Variants in PMM2 observed in about 807,000 individuals in gnomAD.
PMM2 encodes mannose-6-phosphate isomerase.
PMM2 carries 35 observed loss-of-function variants against 33.2 expected under a neutral mutation model. The observed-to-expected ratio is 1.06, with a 90% confidence interval of 0.81 to 1.40. The LOEUF (loss-of-function observed/expected upper bound fraction) is 1.40. PMM2 is among the 40% of genes most tolerant of loss of function. PMM2 has a pLI of 0.00. For missense variants in PMM2, 386 were observed against 306.0 expected (o/e 1.26, Z -1.95); for synonymous variants, 153 against 114.7 (o/e 1.33, Z -2.13).
intron 7 of PMM2, among the ~76,000 whole-genome samples, chr16:8,839,907 TGTGAAGGAGG>T (rs2141044881): frequency 7.0e-6 from 1 of 143,340 alleles, no homozygotes; most frequent in African/African-American, 2.6e-5. Flanking sequence ...TTTAAATAAG[TGTGAAGGAGG>T]GCGGCAGCTT....
chr16:8,824,779 TAACTCA>T (rs1199264472), intron 7 of PMM2, among the ~76,000 whole-genome samples: 1 of 152,102 alleles, frequency 6.6e-6, no homozygotes, highest in African/African-American at 2.4e-5. Flanking sequence ...GCCACAATGA[TAACTCA>T]AACATTTTGT....
chr16:8,833,509 T>A (rs2060823589), intron 7 of PMM2, among the ~76,000 whole-genome samples: 1 of 151,800 alleles, frequency 6.6e-6, no homozygotes, highest in African/African-American at 2.4e-5. Flanking sequence ...AAAATAGTGT[T>A]GAAGTGTTGG....
intron 7 of PMM2, chr16:8,832,564 A>C: frequency 1.0e-6 from 1 of 985,034 alleles, no homozygotes; most frequent in South Asian, 4.7e-5. Flanking sequence ...ACTAGCATAA[A>C]CCCTTTTTGC....
chr16:8,827,135 C>A (rs1377312958), intron 7 of PMM2, among the ~76,000 whole-genome samples: 1 of 152,054 alleles, frequency 6.6e-6, no homozygotes, highest in Non-Finnish European at 1.5e-5. Context: ...GCTTACACTT[C>A]TTGGGGTTTT....
At position 8,832,964 on chromosome 16, in the gene PMM2, TC is replaced by T. The variant is rs1221389862; in HGVS notation, c.640-14756del. The T allele has an allele frequency of 3.0e-5, 13 of 430,978 alleles. 1 individual carries two copies. The highest frequency in any genetic ancestry group is 3.1e-5 in the Non-Finnish European group (11 of 357,482). The allele number at this position is 430,978 out of a possible 1,614,324, so 26.7% of individuals were successfully genotyped here. A position where few individuals can be genotyped will look rare whatever the true frequency, so the allele number is the denominator to read the frequency against. On this transcript the variant is annotated intron_variant, in intron 7 of 7. Transcript: ENST00000268261. ...AAGAGCTGTCTGTTGATGACTGGTCTCCCCAGGGCAGCTGTGATGTGGTTTT... is the reference window on the plus strand; with the variant it reads ...AAGAGCTGTCTGTTGATGACTGGTCTCCCAGGGCAGCTGTGATGTGGTTTT...
chr16:8,807,371 C>T lies in PMM2; in HGVS notation c.347+964C>T, dbSNP rs546641569. ...TGGCAAATCTGAGACCTGGCTACTC[C>T]GGCTCCCAGTTCCCTGCCGGCAGGT... On this transcript the variant is annotated intron_variant, in intron 4 of 7. Coordinates refer to ENST00000268261, the MANE Select transcript of PMM2 (RefSeq NM_000303.3). 1.1e-3 allele frequency among the ~76,000 whole-genome samples: 174 copies of T among 152,254 alleles called. 1 individual carries two copies. In the South Asian group the frequency reaches 0.032, roughly 28 times the overall value.
At chr16:8,800,070 G>A (rs193289568) in intron 1 of PMM2, among the ~76,000 whole-genome samples, 127 of 152,280 alleles carry the variant, frequency 8.3e-4, no homozygotes, top group Admixed American at 7.2e-4. Context: ...CTAGTAAAAA[G>A]ATATTCAGCC....
At chr16:8,815,726 GA>G (rs886490642) in intron 7 of PMM2, among the ~76,000 whole-genome samples, 3 of 151,448 alleles carry the variant, frequency 2.0e-5, no homozygotes, top group Admixed American at 6.6e-5. Flanking sequence ...AAAACTCCTA[GA>G]AAAAAAACAT....
At chr16:8,806,478 A>T in intron 4 of PMM2, 71 bp downstream of exon 4, 1 of 907,864 alleles carries the variant, frequency 1.1e-6, no homozygotes, top group South Asian at 1.3e-5. Context: ...TAATGTGGGC[A>T]TTCTCCAAAT....
chr16:8,823,476 T>C (rs890110361), intron 7 of PMM2, among the ~76,000 whole-genome samples: 3 of 152,222 alleles, frequency 2.0e-5, no homozygotes, highest in Non-Finnish European at 2.9e-5. Context: ...CCATCCTTAT[T>C]TTTATTAAAG....
chr16:8,847,377 T>TAAAAAA (rs34609525), intron 7 of PMM2, among the ~76,000 whole-genome samples: 2 of 140,800 alleles, frequency 1.4e-5, no homozygotes, highest in Non-Finnish European at 3.0e-5. Flanking sequence ...TAGGTACAGC[T>TAAAAAA]AAAAAAAAAA....
At chr16:8,838,674 C>T (rs1350221785) in intron 7 of PMM2, among the ~76,000 whole-genome samples, 1 of 151,818 alleles carries the variant, frequency 6.6e-6, no homozygotes, top group Non-Finnish European at 1.5e-5. Context: ...AATTGAGAAA[C>T]TAAACAGAAG....
chr16:8,798,374 T>C (rs564008319), intron 1 of PMM2, among the ~76,000 whole-genome samples: 22 of 152,294 alleles, frequency 1.4e-4, no homozygotes, highest in African/African-American at 5.3e-4. Flanking sequence ...TAGTGGAGTC[T>C]CATCTTCACC....
intron 7 of PMM2, among the ~76,000 whole-genome samples, chr16:8,827,441 G>C (rs1276511279): frequency 6.7e-6 from 1 of 149,146 alleles, no homozygotes; most frequent in African/African-American, 2.5e-5. Context: ...ACCCAGGCTA[G>C]ATAGAGTGCA....
At chr16:8,819,316 C>T (rs1208046507) in intron 7 of PMM2, among the ~76,000 whole-genome samples, 1 of 152,108 alleles carries the variant, frequency 6.6e-6, no homozygotes, top group Non-Finnish European at 1.5e-5. Flanking sequence ...AAGTGCAGGA[C>T]AATATAAGTA....
intron 7 of PMM2, among the ~76,000 whole-genome samples, chr16:8,847,343 C>T (rs902040831): frequency 6.7e-6 from 1 of 149,220 alleles, no homozygotes; most frequent in Admixed American, 6.7e-5. Context: ...TCCTGACGCT[C>T]CCTTGTGACT....
intron 7 of PMM2, among the ~76,000 whole-genome samples, chr16:8,820,178 C>A (rs2060729751): frequency 6.6e-6 from 1 of 152,034 alleles, no homozygotes; most frequent in African/African-American, 2.4e-5. Flanking sequence ...GGCTGGGCAA[C>A]AGAGTGAAAT....
intron 6 of PMM2, 38 bp downstream of exon 6, chr16:8,811,751 C>G: frequency 2.2e-6 from 3 of 1,385,746 alleles, no homozygotes; most frequent in Non-Finnish European, 3.1e-6. Context: ...ACTTGGATAC[C>G]CATTTCCCAG....
At chr16:8,801,947 T>G in intron 2 of PMM2, 37 bp downstream of exon 2, 1 of 1,362,020 alleles carries the variant, frequency 7.3e-7, no homozygotes, top group Non-Finnish European at 1.0e-6. Flanking sequence ...TGGTAAAAGA[T>G]TAACTTCTTA....
Sources: gnomAD v4.1 joint callset for allele counts (sites outside exome capture counted in the v4.1 genomes callset) on GRCh38, gnomAD v4.1.1 for gene constraint, MANE v1.5 for transcripts, NCBI Gene and HGNC (gene_info 2026-07-23, HGNC 2026-07-21) for gene names.